Variants in DNAJC13 observed in about 807,000 individuals in gnomAD.
The protein encoded by DNAJC13 is DnaJ heat shock protein family (Hsp40) member C13, also known as dnaJ homolog subfamily C member 13.
DNAJC13 carries 75 observed loss-of-function variants against 290.5 expected under a neutral mutation model. That is an observed-to-expected ratio of 0.26 (90% CI 0.21 to 0.31). The LOEUF (loss-of-function observed/expected upper bound fraction) is 0.31. DNAJC13 is among the 10% of genes least tolerant of loss of function. The pLI is 1.00. For missense variants in DNAJC13, 2,260 were observed against 2,674.5 expected (o/e 0.85, Z 3.42); for synonymous variants, 862 against 892.0 (o/e 0.97, Z 0.60).
rs369053830 is a variant in DNAJC13 at position 132,526,328 on chromosome 3, C to G, written c.6381+47C>G. 245 of 1,606,010 alleles carry G rather than the reference C, an allele frequency of 1.5e-4. 2 individuals carry two copies. Among genetic ancestry groups the G allele is most frequent in the South Asian group, 1.2e-3 (113 of 90,520 alleles). ...GCACTATTTTAGGAAAGCAAACATACCAAGTAGATTTTTACCTATTTGGTA... is the reference window on the plus strand; with the variant it reads ...GCACTATTTTAGGAAAGCAAACATAGCAAGTAGATTTTTACCTATTTGGTA... On this transcript the variant is annotated intron_variant, in intron 53 of 55. Coordinates refer to ENST00000260818, the MANE Select transcript of DNAJC13 (RefSeq NM_015268.4).
intron 48 of DNAJC13, among the ~76,000 whole-genome samples, chr3:132,518,889 T>C (rs1398037366): frequency 6.6e-6 from 1 of 152,196 alleles, no homozygotes; most frequent in Non-Finnish European, 1.5e-5. Flanking sequence ...ACTGATCTAT[T>C]TCCTTCTGGA....
chr3:132,508,869 T>C (rs879598569), intron 43 of DNAJC13, among the ~76,000 whole-genome samples: 6 of 152,246 alleles, frequency 3.9e-5, no homozygotes, highest in East Asian at 1.9e-4. Flanking sequence ...TTACCAAATA[T>C]TTTAAGCCCA....
rs148608749 is a variant in DNAJC13 at position 132,528,376 on chromosome 3, G to T, written c.6525+44G>T. 6.2e-4 allele frequency: 1,005 copies of T among 1,609,832 alleles called. 4 individuals are homozygous for T. In the African/African-American group the frequency reaches 0.012, roughly 19 times the overall value. On this transcript the variant is annotated intron_variant, in intron 54 of 55. Coordinates refer to ENST00000260818, the MANE Select transcript of DNAJC13 (RefSeq NM_015268.4). ...AACTTTTGATATTCTAAAAGCCAGG[G>T]TCTTGGCCATGGATGGTCCACGTAC... is the stretch of plus-strand genomic sequence containing the variant.
At chr3:132,536,226 T>A (rs996351351) in intron 55 of DNAJC13, among the ~76,000 whole-genome samples, 1 of 152,158 alleles carries the variant, frequency 6.6e-6, no homozygotes, top group Admixed American at 6.6e-5. Flanking sequence ...ACCCAGCAGT[T>A]AGCTGGATGA....
chr3:132,482,167 G>A (rs1290692712), intron 26 of DNAJC13, 59 bp from the exon 27 acceptor site: 13 of 1,444,552 alleles, frequency 9.0e-6, no homozygotes, highest in African/African-American at 8.6e-5. Flanking sequence ...TTTGTTTTAC[G>A]ACATCTGGTC....
intron 28 of DNAJC13, chr3:132,484,313 C>T (rs1265767931): frequency 4.0e-6 from 2 of 495,138 alleles, no homozygotes; most frequent in South Asian, 1.7e-5. Flanking sequence ...TGTTGAACAA[C>T]ACCAAGTTTA....
chr3:132,475,053 A>T lies in DNAJC13; in HGVS notation c.2413A>T (p.Asn805Tyr). ...FNIDRELGSANVISWNHHEFE... is the reference protein window; with the variant it reads ...FNIDRELGSAYVISWNHHEFE... The stretch of plus-strand genomic sequence containing the variant: ...TATTGACAGAGAACTTGGAAGTGCA[A>T]ATGTGATCTCCTGGAACCACCATGA... Residue 805 changes from asparagine to tyrosine, a missense_variant, in exon 22 of 56, where the codon AAT becomes TAT. Asn to Tyr is a moderately radical substitution (Grantham distance 143, BLOSUM62 -2). Around this residue, in one of 3 missense-constraint regions of DNAJC13, gnomAD observed 762 missense variants for 964.1 expected, o/e 0.79. Coordinates refer to ENST00000260818, the MANE Select transcript of DNAJC13 (RefSeq NM_015268.4). 1 of 1,610,018 alleles carries T rather than the reference A, an allele frequency of 6.2e-7. No homozygotes were observed. The highest frequency in any genetic ancestry group is 8.5e-7 in the Non-Finnish European group (1 of 1,178,090).
intron 28 of DNAJC13, among the ~76,000 whole-genome samples, 154 bp downstream of exon 28, chr3:132,483,731 A>C (rs1934758353): frequency 6.6e-6 from 1 of 152,196 alleles, no homozygotes; most frequent in Non-Finnish European, 1.5e-5. Context: ...GATATAAAGA[A>C]TTTGCAAATT....
At chr3:132,528,566 A>G (rs912189824) in intron 54 of DNAJC13, among the ~76,000 whole-genome samples, 1 of 152,206 alleles carries the variant, frequency 6.6e-6, no homozygotes, top group East Asian at 1.9e-4. Flanking sequence ...CATGTTGTAC[A>G]TTTCAGGAAG....
At position 132,480,420 on chromosome 3, in the gene DNAJC13, T is replaced by A. The variant is rs766448008; in HGVS notation, c.2824T>A (p.Leu942Met). The change falls in exon 26 of 56, where the codon TTG (leucine) becomes ATG (methionine). Residue 942 changes from leucine to methionine, a missense_variant. Transcript: ENST00000260818. ...AAATGGAATAAGAATCCTTGTGGAC[T>A]TGCTTACCCTTGCACATCTCCATGT... The part of the protein sequence containing the change: ...DSNGIRILVD[L>M]LTLAHLHVSR... 3 of 1,613,728 alleles carry A rather than the reference T, an allele frequency of 1.9e-6. No individual in the cohort carries two copies. The highest frequency in any genetic ancestry group is 1.7e-6 in the Non-Finnish European group (2 of 1,179,734).
intron 1 of DNAJC13, among the ~76,000 whole-genome samples, chr3:132,431,354 A>AG (rs1939234953): frequency 6.6e-6 from 1 of 152,140 alleles, no homozygotes; most frequent in South Asian, 2.1e-4. Context: ...AAGAGGGAAT[A>AG]GGGTAGAATG....
At chr3:132,443,208 A>G (rs1173551354) in intron 2 of DNAJC13, among the ~76,000 whole-genome samples, 2 of 152,152 alleles carry the variant, frequency 1.3e-5, no homozygotes, top group Non-Finnish European at 2.9e-5. Context: ...GCTGGAATAC[A>G]GTGGTATGAT....
intron 30 of DNAJC13, 121 bp downstream of exon 30, chr3:132,488,573 T>A: frequency 9.8e-7 from 1 of 1,023,288 alleles, no homozygotes; most frequent in Non-Finnish European, 1.4e-6. Flanking sequence ...AAAGGCTATT[T>A]AAGTACATGT....
chr3:132,419,321 TAATA>T (rs1221306903), intron 1 of DNAJC13, among the ~76,000 whole-genome samples: 9 of 152,330 alleles, frequency 5.9e-5, no homozygotes, highest in South Asian at 2.1e-4. Flanking sequence ...AAAGTGGTAG[TAATA>T]AATAGTCTAA....
At chr3:132,454,635 T>G (rs1209443866) in intron 9 of DNAJC13, among the ~76,000 whole-genome samples, 1 of 152,080 alleles carries the variant, frequency 6.6e-6, no homozygotes, top group Non-Finnish European at 1.5e-5. Flanking sequence ...CCACCACACC[T>G]GGCCTATAAC....
intron 55 of DNAJC13, 144 bp downstream of exon 55, chr3:132,531,241 G>A: frequency 1.5e-6 from 1 of 651,088 alleles, no homozygotes; most frequent in Non-Finnish European, 2.7e-6. Context: ...TGAGCATGTA[G>A]TAGACATATG....
chr3:132,453,198 T>G, intron 6 of DNAJC13, 100 bp from the exon 7 acceptor site: 1 of 1,069,738 alleles, frequency 9.3e-7, no homozygotes. Flanking sequence ...CTCTTTTTTC[T>G]CTAGAATTGC....
chr3:132,464,005 G>T (rs1045167329), intron 17 of DNAJC13, among the ~76,000 whole-genome samples, 188 bp downstream of exon 17: 1 of 152,150 alleles, frequency 6.6e-6, no homozygotes, highest in African/African-American at 2.4e-5. Context: ...TGGAAAACCT[G>T]GAGGGAAACA....
intron 13 of DNAJC13, 119 bp downstream of exon 13, chr3:132,457,487 C>G: frequency 1.3e-6 from 1 of 762,006 alleles, no homozygotes; most frequent in Non-Finnish European, 2.1e-6. Flanking sequence ...ATAAATTGTT[C>G]TCATAGTTAC....
Sources: allele counts gnomAD v4.1 joint callset (sites outside exome capture counted in the v4.1 genomes callset), GRCh38; gene constraint gnomAD v4.1.1; regional missense constraint gnomAD v4.1.1; transcripts MANE v1.5; gene names NCBI Gene and HGNC (gene_info 2026-07-23, HGNC 2026-07-21).